DPH6: variants seen among roughly 807,000 people sequenced by gnomAD.
The protein encoded by DPH6 is diphthamine biosynthesis 6, also known as diphthine--ammonia ligase.
A neutral mutation model predicts 38.2 loss-of-function variants in DPH6; 33 were observed. The observed-to-expected ratio is 0.86, with a 90% CI of 0.65 to 1.15. The LOEUF (loss-of-function observed/expected upper bound fraction) is 1.15. DPH6 is among the 50% of genes most tolerant of loss of function. DPH6 has a pLI of 0.00. For missense variants in DPH6, 325 were observed against 320.0 expected (o/e 1.02, Z -0.12); for synonymous variants, 108 against 103.0 (o/e 1.05, Z -0.30).
chr15:35,223,204 GC>G (rs2140386039), intron 3 of DPH6, among the ~76,000 whole-genome samples: 1 of 152,282 alleles, frequency 6.6e-6, no homozygotes, highest in African/African-American at 2.4e-5. Flanking sequence ...CCTTCTTGCT[GC>G]ATCATGCTAT....
chr15:35,496,567 A>AAAAAAAAAAT, intron 3 of DPH6, among the ~76,000 whole-genome samples: 1 of 31,016 alleles, frequency 3.2e-5, no homozygotes, highest in African/African-American at 1.4e-4. Flanking sequence ...AAAAAAAAAA[A>AAAAAAAAAAT]ATATATATAT....
chr15:35,456,137 T>C (rs2053993281), intron 3 of DPH6, among the ~76,000 whole-genome samples: 1 of 152,142 alleles, frequency 6.6e-6, no homozygotes, highest in Non-Finnish European at 1.5e-5. Context: ...TTCAGCAACT[T>C]TGTGAGAACA....
intron 3 of DPH6, among the ~76,000 whole-genome samples, chr15:35,338,547 G>C (rs1329590497): frequency 6.6e-6 from 1 of 152,106 alleles, no homozygotes; most frequent in Non-Finnish European, 1.5e-5. Context: ...TGCTGGAGAG[G>C]ATGTGGAGAA....
At chr15:35,200,401 T>C in the DPH6 span, among the ~76,000 whole-genome samples, 3 of 152,148 alleles carry the variant, frequency 2.0e-5, no homozygotes, top group Non-Finnish European at 4.4e-5. Flanking sequence ...CTACATTAGA[T>C]ACTAGCATTG....
At chr15:35,356,509 C>A (rs1345044821) in intron 3 of DPH6, among the ~76,000 whole-genome samples, 3 of 152,176 alleles carry the variant, frequency 2.0e-5, no homozygotes, top group South Asian at 2.1e-4. Flanking sequence ...ACAGTCAGGA[C>A]CCTCAGCTGC....
the DPH6 span, among the ~76,000 whole-genome samples, chr15:35,149,964 T>C: frequency 8.5e-5 from 13 of 152,206 alleles, no homozygotes; most frequent in Non-Finnish European, 1.9e-4. Flanking sequence ...TGTGTATCCA[T>C]TCATGTTAAC....
At chr15:35,366,990 A>ATT (rs1179716875), downstream of DPH6, among the ~76,000 whole-genome samples, 2 of 151,970 alleles carry the variant, frequency 1.3e-5, no homozygotes, top group Non-Finnish European at 2.9e-5. Context: ...ATGGCTAAAC[A>ATT]TTATAAAGTT....
At chr15:35,434,825 G>A (rs2053676197) in intron 5 of DPH6, among the ~76,000 whole-genome samples, 1 of 152,134 alleles carries the variant, frequency 6.6e-6, no homozygotes, top group South Asian at 2.1e-4. Flanking sequence ...CCAGGCTGGA[G>A]TGCAGTGGCA....
At chr15:35,251,170 A>G (rs1431752824) in intron 3 of DPH6, among the ~76,000 whole-genome samples, 1 of 151,788 alleles carries the variant, frequency 6.6e-6, no homozygotes, top group Non-Finnish European at 1.5e-5. Context: ...TGGTTTCTCC[A>G]TTTTTCTTTC....
intron 3 of DPH6, among the ~76,000 whole-genome samples, chr15:35,286,558 A>T (rs1417591892): frequency 6.6e-6 from 1 of 152,238 alleles, no homozygotes; most frequent in Non-Finnish European, 1.5e-5. Flanking sequence ...AGTTCATAAG[A>T]CATTGAGAGT....
At chr15:35,463,504 TC>T (rs755447349) in intron 3 of DPH6, among the ~76,000 whole-genome samples, 12 of 152,034 alleles carry the variant, frequency 7.9e-5, no homozygotes, top group Non-Finnish European at 1.3e-4. Context: ...AACAAAGCAG[TC>T]ATTAAAAGAC....
intron 3 of DPH6, among the ~76,000 whole-genome samples, chr15:35,244,011 C>T (rs899650825): frequency 3.9e-5 from 6 of 152,122 alleles, no homozygotes; most frequent in African/African-American, 1.4e-4. Flanking sequence ...GTTTAATGCT[C>T]AAGGAAAATG....
In DPH6 at chr15:35,420,026, C is replaced by T. The variant is rs191780407; in HGVS notation, c.506-9130G>A. Among the ~76,000 whole-genome samples, 566 of 152,246 alleles carry T rather than the reference C, an allele frequency of 3.7e-3. 6 individuals are homozygous for T. The highest frequency in any genetic ancestry group is 0.013 in the African/African-American group (543 of 41,554). On this transcript the variant is annotated intron_variant, in intron 5 of 8. Coordinates refer to ENST00000256538, the MANE Select transcript of DPH6 (RefSeq NM_080650.4). Reference sequence around the variant, plus strand: ...ACATGAAACATTCTCCAGGAGAGATCATATGTTTGGCCACAAAAAAGTCTT... The same window carrying T: ...ACATGAAACATTCTCCAGGAGAGATTATATGTTTGGCCACAAAAAAGTCTT...
intron 3 of DPH6, among the ~76,000 whole-genome samples, chr15:35,507,598 GA>G (rs1566934799): frequency 6.6e-6 from 1 of 151,904 alleles, no homozygotes; most frequent in Non-Finnish European, 1.5e-5. Context: ...AAAGTAAAAA[GA>G]ACTAAATTAA....
At chr15:35,159,463 T>C in the DPH6 span, among the ~76,000 whole-genome samples, 1 of 151,898 alleles carries the variant, frequency 6.6e-6, no homozygotes, top group African/African-American at 2.4e-5. Flanking sequence ...AAAATGCTCA[T>C]TATCACTAAC....
chr15:35,342,885 G>C (rs1186445726), intron 3 of DPH6, among the ~76,000 whole-genome samples: 2 of 152,088 alleles, frequency 1.3e-5, no homozygotes, highest in Non-Finnish European at 2.9e-5. Flanking sequence ...TGAGAACTCA[G>C]CTCTCTGTAG....
intron 6 of DPH6, among the ~76,000 whole-genome samples, chr15:35,409,936 A>G (rs537009018): frequency 6.6e-6 from 1 of 151,986 alleles, no homozygotes; most frequent in African/African-American, 2.4e-5. Flanking sequence ...TATGAAAAAA[A>G]TAACATTTCG....
the DPH6 span, among the ~76,000 whole-genome samples, chr15:35,163,860 G>T: frequency 6.6e-6 from 1 of 151,756 alleles, no homozygotes; most frequent in Non-Finnish European, 1.5e-5. Flanking sequence ...AGCTCAGTGG[G>T]AACATAAACT....
At chr15:35,153,090 G>A in the DPH6 span, among the ~76,000 whole-genome samples, 3 of 152,100 alleles carry the variant, frequency 2.0e-5, no homozygotes, top group African/African-American at 7.2e-5. Context: ...ATTTTATGAT[G>A]TGAAAATTAT....
Sources: allele counts gnomAD v4.1 joint callset (sites outside exome capture counted in the v4.1 genomes callset), GRCh38; gene constraint gnomAD v4.1.1; transcripts MANE v1.5; gene names NCBI Gene and HGNC (gene_info 2026-07-23, HGNC 2026-07-21).